PSMA6: variants seen among roughly 807,000 people sequenced by gnomAD.
The protein encoded by PSMA6 is proteasome 20S subunit alpha 6, also known as proteasome subunit alpha type-6.
For missense variants in PSMA6, 170 were observed against 294.8 expected, an observed-to-expected ratio of 0.58 and a Z score of 3.10; for synonymous variants, 88 against 97.7, an observed-to-expected ratio of 0.90 and a Z score of 0.59.
chr14:35,296,605 A>C (rs181531122), intron 1 of PSMA6, among the ~76,000 whole-genome samples: 5 of 152,306 alleles, frequency 3.3e-5, no homozygotes, highest in Non-Finnish European at 5.9e-5. Context: ...CTGGGATTAC[A>C]AGCGTGAGCC....
At chr14:35,289,580 T>C (rs2051455523), upstream of PSMA6, among the ~76,000 whole-genome samples, 1 of 151,942 alleles carries the variant, frequency 6.6e-6, no homozygotes, top group African/African-American at 2.4e-5. Flanking sequence ...CCTCAAATGA[T>C]CCACCCACCT....
intron 1 of PSMA6, among the ~76,000 whole-genome samples, chr14:35,293,490 C>G (rs1261782296): frequency 6.6e-6 from 1 of 152,126 alleles, no homozygotes; most frequent in Non-Finnish European, 1.5e-5. Flanking sequence ...TTAGTGGCTC[C>G]GTGTCTTGCA....
chr14:35,314,735 A>G (rs1386418439), intron 6 of PSMA6: 1 of 187,770 alleles, frequency 5.3e-6, no homozygotes, highest in Non-Finnish European at 1.0e-5. Context: ...AAATTAGCAT[A>G]AGTGTTTTCT....
At chr14:35,296,611 G>A (rs1436409653) in intron 1 of PSMA6, among the ~76,000 whole-genome samples, 1 of 152,042 alleles carries the variant, frequency 6.6e-6, no homozygotes, top group East Asian at 1.9e-4. Context: ...TTACAAGCGT[G>A]AGCCACCATG....
intron 6 of PSMA6, chr14:35,315,642 T>G (rs963640733): frequency 2.0e-5 from 3 of 151,628 alleles, no homozygotes; most frequent in Non-Finnish European, 2.9e-5. Flanking sequence ...GTCTTGTAAC[T>G]TGGGTTGGGG....
In PSMA6 at chr14:35,314,386, T is replaced by C; in HGVS notation, c.614T>C (p.Val205Ala). 2 of 1,611,902 alleles carry C rather than the reference T, an allele frequency of 1.2e-6. No homozygotes were observed. Among genetic ancestry groups the C allele is most frequent in the South Asian group, 2.2e-5 (2 of 90,734 alleles). ...VETAITCLSTVLSIDFKPSEI... is the reference protein window; with the variant it reads ...VETAITCLSTALSIDFKPSEI... ...ACTGCAATTACATGCCTGTCTACTG[T>C]TCTATCAATTGATTTCAAACCTTCA... The change falls in exon 6 of 7, where the codon GTT becomes GCT. Residue 205 changes from valine to alanine, a missense_variant. Coordinates refer to ENST00000261479, the MANE Select transcript of PSMA6 (RefSeq NM_002791.3).
In PSMA6 at chr14:35,308,935, A is replaced by G. The variant is rs1441840939; in HGVS notation, c.193A>G (p.Thr65Ala). ...TTAGGACAAATTATTGGATTCCAGC[A>G]CAGTGACTCACTTATTCAAGATAAC... is the stretch of plus-strand genomic sequence containing the variant. ...KVPDKLLDSS[T>A]VTHLFKITEN... Residue 65 changes from threonine to alanine, a missense_variant, in exon 3 of 7, where the codon ACA becomes GCA. Coordinates refer to ENST00000261479, the MANE Select transcript of PSMA6 (RefSeq NM_002791.3). 3.1e-6 allele frequency: 5 copies of G among 1,608,774 alleles called. No homozygotes were observed. The highest frequency in any genetic ancestry group is 1.3e-5 in the African/African-American group (1 of 74,768).
At chr14:35,308,151 GT>G in intron 2 of PSMA6, 63 bp downstream of exon 2, 1 of 1,584,958 alleles carries the variant, frequency 6.3e-7, no homozygotes, top group Admixed American at 1.7e-5. Flanking sequence ...GCCAAGTGCA[GT>G]GGCTCACACC....
intron 1 of PSMA6, among the ~76,000 whole-genome samples, chr14:35,284,516 G>A (rs973189286): frequency 6.6e-6 from 1 of 152,132 alleles, no homozygotes; most frequent in African/African-American, 2.4e-5. Context: ...AACTCTGGTG[G>A]GGACGCTGTC....
At chr14:35,317,209 T>G (rs761841471) in intron 6 of PSMA6, 40 bp from the exon 7 acceptor site, 1 of 1,569,398 alleles carries the variant, frequency 6.4e-7, no homozygotes, top group East Asian at 2.2e-5. Flanking sequence ...TGAAAAAATT[T>G]TTTTTAAATC....
chr14:35,287,090 T>C (rs1352408858), intron 1 of PSMA6, among the ~76,000 whole-genome samples: 2 of 152,118 alleles, frequency 1.3e-5, no homozygotes, highest in African/African-American at 4.8e-5. Context: ...CCAGAATGAC[T>C]GAAGTCCTAG....
chr14:35,312,548 A>G (rs1392594686), intron 4 of PSMA6, among the ~76,000 whole-genome samples: 1 of 147,398 alleles, frequency 6.8e-6, no homozygotes, highest in Non-Finnish European at 1.5e-5. Context: ...TTTGAAGTTT[A>G]TTTGACCAGG....
chr14:35,284,379 T>TA (rs765708718), intron 1 of PSMA6, among the ~76,000 whole-genome samples: 7 of 152,198 alleles, frequency 4.6e-5, no homozygotes, highest in Non-Finnish European at 7.4e-5. Context: ...CAGGTAGTCT[T>TA]ACATTCCCTT....
At position 35,308,843 on chromosome 14, in the gene PSMA6, A is replaced by G. The variant is rs903945932; in HGVS notation, c.172-71A>G. The G allele has an allele frequency of 5.2e-6, 6 of 1,162,204 alleles. No individual in the cohort carries two copies. In the African/African-American group the frequency reaches 6.2e-5, roughly 12 times the overall value. The allele number at this position is 1,162,204 out of a possible 1,614,324, so 72.0% of individuals were successfully genotyped here. On this transcript the variant is annotated intron_variant, in intron 2 of 6. Coordinates refer to ENST00000261479, the MANE Select transcript of PSMA6 (RefSeq NM_002791.3). ...AAGAAGCAGGGCAAATTAAAAACATAATTTTTTTTATAACTACACAGAAAC... is the reference window on the plus strand; with the variant it reads ...AAGAAGCAGGGCAAATTAAAAACATGATTTTTTTTATAACTACACAGAAAC...
At chr14:35,278,787 C>A in intron 1 of PSMA6, 1 of 1,495,182 alleles carries the variant, frequency 6.7e-7, no homozygotes, top group Non-Finnish European at 9.0e-7. Flanking sequence ...ATAAATCATT[C>A]TTATATTTTA....
At chr14:35,294,535 T>C (rs1195202227) in intron 1 of PSMA6, among the ~76,000 whole-genome samples, 1 of 152,242 alleles carries the variant, frequency 6.6e-6, no homozygotes, top group Non-Finnish European at 1.5e-5. Context: ...GCCAGGTATG[T>C]AACCTTAGCC....
At chr14:35,280,023 G>T (rs570094358) in intron 1 of PSMA6, among the ~76,000 whole-genome samples, 1 of 152,182 alleles carries the variant, frequency 6.6e-6, no homozygotes, top group South Asian at 2.1e-4. Context: ...TACTCGGGAG[G>T]CTGAGGCAGG....
Position 35,317,460 on chromosome 14 carries a change from G to C in PSMA6, c.*154G>C, listed in dbSNP as rs2052065680. The C allele has an allele frequency of 1.7e-6, 1 of 595,476 alleles. No individual in the cohort carries two copies. The highest frequency in any genetic ancestry group is 2.8e-5 in the South Asian group (1 of 35,516). 36.9% of individuals were successfully genotyped at this position (595,476 alleles called of 1,614,324 possible). A position where few individuals can be genotyped will look rare whatever the true frequency, so the allele number is the denominator to read the frequency against. ...AGGACTCTATATAAATAAAAACAAG[G>C]CTTTTGGAAAATAATTGCATCCTGT... On this transcript the variant is annotated 3_prime_UTR_variant, in exon 7 of 7. Coordinates refer to ENST00000261479, the MANE Select transcript of PSMA6 (RefSeq NM_002791.3).
chr14:35,313,794 A>C (rs1264245000), intron 5 of PSMA6: 1 of 152,082 alleles, frequency 6.6e-6, no homozygotes, highest in South Asian at 2.1e-4. Context: ...CCCTGTCTCT[A>C]TGAAAAATAC....
Sources: gnomAD v4.1 joint callset for allele counts (sites outside exome capture counted in the v4.1 genomes callset) on GRCh38, gnomAD v4.1.1 for gene constraint, MANE v1.5 for transcripts, NCBI Gene and HGNC (gene_info 2026-07-23, HGNC 2026-07-21) for gene names.